Variants in TRAPPC9 observed in about 807,000 individuals in gnomAD.
TRAPPC9 encodes the protein trafficking protein particle complex subunit 9.
TRAPPC9 carries 83 observed loss-of-function variants against 124.0 expected under a neutral mutation model. The observed-to-expected ratio is 0.67, with a 90% confidence interval of 0.56 to 0.80. The LOEUF (loss-of-function observed/expected upper bound fraction) is 0.80, where lower values mean the gene tolerates loss of function less well. TRAPPC9 is among the 30% of genes least tolerant of loss of function. TRAPPC9 has a pLI of 0.00. For missense variants in TRAPPC9, 1,302 were observed against 1,508.3 expected, an observed-to-expected ratio of 0.86 and a Z score of 2.27; for synonymous variants, 638 against 617.5, an observed-to-expected ratio of 1.03 and a Z score of -0.49.
chr8:139,738,752 C>A (rs957860832), intron 21 of TRAPPC9, among the ~76,000 whole-genome samples: 1 of 152,192 alleles, frequency 6.6e-6, no homozygotes, highest in African/African-American at 2.4e-5. Context: ...CACACAGAGC[C>A]CCCAAGGGGC....
chr8:140,061,492 G>A (rs117268330), intron 17 of TRAPPC9, among the ~76,000 whole-genome samples: 1 of 152,174 alleles, frequency 6.6e-6, no homozygotes, highest in African/African-American at 2.4e-5. Flanking sequence ...ACAGGCCACG[G>A]CACAGTGAGT....
intron 21 of TRAPPC9, among the ~76,000 whole-genome samples, chr8:139,740,651 T>TA (rs1252166412): frequency 6.6e-6 from 1 of 152,206 alleles, no homozygotes; most frequent in Non-Finnish European, 1.5e-5. Flanking sequence ...CCGGGAGCCC[T>TA]GTCCTGGAGA....
intron 21 of TRAPPC9, among the ~76,000 whole-genome samples, chr8:139,804,746 C>T (rs1404539060): frequency 6.0e-5 from 9 of 150,284 alleles, no homozygotes; most frequent in African/African-American, 2.2e-4. Flanking sequence ...CCACCACCAC[C>T]AAGCACCGCC....
At chr8:140,344,750 G>A (rs1249064124) in intron 9 of TRAPPC9, among the ~76,000 whole-genome samples, 2 of 152,272 alleles carry the variant, frequency 1.3e-5, no homozygotes, top group African/African-American at 4.8e-5. Flanking sequence ...CAGAAGACTG[G>A]AGAGAGGTGA....
chr8:140,309,569 G>A (rs981021546), intron 10 of TRAPPC9, among the ~76,000 whole-genome samples: 29 of 152,220 alleles, frequency 1.9e-4, no homozygotes, highest in African/African-American at 6.8e-4. Context: ...TGTTCTGTAA[G>A]CTTCATAACA....
At chr8:140,437,840 G>A (rs2070874815) in intron 3 of TRAPPC9, among the ~76,000 whole-genome samples, 1 of 152,122 alleles carries the variant, frequency 6.6e-6, no homozygotes, top group Non-Finnish European at 1.5e-5. Context: ...ACCTCCAGGA[G>A]GCGCAGTCCC....
At chr8:139,933,256 A>C (rs1034736373) in intron 19 of TRAPPC9, 7 of 152,380 alleles carry the variant, frequency 4.6e-5, no homozygotes, top group African/African-American at 1.2e-4. Flanking sequence ...ATCTCTTCTA[A>C]CATTTAAGGA....
chr8:140,382,827 G>A (rs530508050), intron 7 of TRAPPC9, among the ~76,000 whole-genome samples: 30 of 152,304 alleles, frequency 2.0e-4, no homozygotes, highest in Admixed American at 6.5e-4. Context: ...CTCCCAGCAC[G>A]GAGTTTGAGA....
Position 140,436,400 on chromosome 8 carries a change from G to GA in TRAPPC9, c.731-1161dup, listed in dbSNP as rs2070815316. On this transcript the variant is annotated intron_variant, in intron 3 of 22. Transcript: ENST00000438773. ...GCTTGTCATGTGTTAACAGTTTTATGAAAAATAATTGTTTTCCAAAACAAA... is the reference window on the plus strand; with the variant it reads ...GCTTGTCATGTGTTAACAGTTTTATGAAAAAATAATTGTTTTCCAAAACAAA... Among the ~76,000 whole-genome samples the GA allele has an allele frequency of 4.6e-5, 7 of 152,288 alleles. No individual in the cohort carries two copies. The South Asian group carries it at 1.5e-3, about 32-fold the overall frequency.
intron 7 of TRAPPC9, among the ~76,000 whole-genome samples, chr8:140,396,865 T>C (rs886354553): frequency 1.3e-5 from 2 of 152,120 alleles, no homozygotes; most frequent in Non-Finnish European, 2.9e-5. Flanking sequence ...TTTTTTCCAC[T>C]TACCCACTGC....
In TRAPPC9 at chr8:139,731,971, C is replaced by G; in HGVS notation, c.3279+8G>C. 6.4e-7 allele frequency: 1 copy of G among 1,565,458 alleles called. No homozygotes were observed. Among genetic ancestry groups the G allele is most frequent in the Non-Finnish European group, 8.7e-7 (1 of 1,154,558 alleles). ...GGCTCCCAGACCGCCTTGCACACCA[C>G]CACGCACCGCGTCGAGGTAGAAGGT... On this transcript the variant is annotated splice_region_variant and intron_variant, in intron 22 of 22. Coordinates refer to ENST00000438773, the MANE Select transcript of TRAPPC9 (RefSeq NM_001160372.4).
chr8:139,948,573 G>T (rs749331941), intron 19 of TRAPPC9, among the ~76,000 whole-genome samples: 1 of 152,066 alleles, frequency 6.6e-6, no homozygotes, highest in Non-Finnish European at 1.5e-5. Flanking sequence ...TGTTCATTAC[G>T]GCAGCCCCTT....
At chr8:140,290,524 C>T (rs1017676570) in intron 12 of TRAPPC9, among the ~76,000 whole-genome samples, 4 of 148,272 alleles carry the variant, frequency 2.7e-5, no homozygotes, top group African/African-American at 1.0e-4. Flanking sequence ...AGAAATGGGA[C>T]GTCAGGATTT....
intron 17 of TRAPPC9, among the ~76,000 whole-genome samples, chr8:140,088,658 T>G (rs1037447936): frequency 2.6e-5 from 4 of 152,228 alleles, no homozygotes; most frequent in African/African-American, 9.6e-5. Flanking sequence ...CATATACAGT[T>G]GAACAATACA....
rs149117506 is a variant in TRAPPC9 at position 140,313,084 on chromosome 8, A to G, written c.1496-1710T>C. On this transcript the variant is annotated intron_variant, in intron 9 of 22. Transcript: ENST00000438773. ...CTCCCTCATTCTTAGGAAGCCAGAG[A>G]GCAGAGCAGAAAAGTGACCAGAATT... Among the ~76,000 whole-genome samples the G allele has an allele frequency of 2.1e-3, 317 of 152,340 alleles. 8 individuals are homozygous for G. The highest frequency in any genetic ancestry group is 0.014 in the Admixed American group (216 of 15,306).
intron 21 of TRAPPC9, among the ~76,000 whole-genome samples, chr8:139,739,179 T>G (rs1223763278): frequency 2.0e-5 from 3 of 151,802 alleles, no homozygotes; most frequent in Non-Finnish European, 4.4e-5. Context: ...CCTTCCCCAG[T>G]AGAGTGGCTC....
chr8:140,300,721 G>A, intron 10 of TRAPPC9, 107 bp from the exon 11 acceptor site: 1 of 1,431,082 alleles, frequency 7.0e-7, no homozygotes, highest in Non-Finnish European at 9.8e-7. Context: ...TCAGTCAGAA[G>A]GAAGATAAAT....
intron 17 of TRAPPC9, among the ~76,000 whole-genome samples, chr8:140,155,347 T>TCC (rs2061610572): frequency 6.6e-6 from 1 of 152,080 alleles, no homozygotes; most frequent in East Asian, 1.9e-4. Context: ...CTGCGGGTGG[T>TCC]AGCTACGGGA....
At chr8:140,018,324 A>ATTTTTT (rs1554608008) in intron 18 of TRAPPC9, among the ~76,000 whole-genome samples, 3 of 119,786 alleles carry the variant, frequency 2.5e-5, no homozygotes, top group Non-Finnish European at 1.7e-5. Flanking sequence ...AACGTAAGTG[A>ATTTTTT]TTTTTTTTTT....
Sources: allele counts gnomAD v4.1 joint callset (sites outside exome capture counted in the v4.1 genomes callset), GRCh38; gene constraint gnomAD v4.1.1; transcripts MANE v1.5; gene names NCBI Gene and HGNC (gene_info 2026-07-23, HGNC 2026-07-21).